The following STXBP5L variants were observed in gnomAD, a reference collection of about 807,000 sequenced individuals.
STXBP5L encodes syntaxin binding protein 5L.
Under a neutral mutation model 144.5 loss-of-function variants are expected in STXBP5L, and 65 were observed. The observed-to-expected ratio is 0.45, with a 90% CI of 0.37 to 0.55. The LOEUF is 0.55. Among genes scored for constraint, STXBP5L ranks in the 20% least tolerant of loss-of-function variants. The probability of loss-of-function intolerance (pLI) is 0.00; values close to 1 mark genes in which losing one functional copy is unlikely to be tolerated. For missense variants in STXBP5L, 1,298 were observed against 1,405.5 expected, an observed-to-expected ratio of 0.92 and a Z score of 1.22; for synonymous variants, 505 against 469.6, an observed-to-expected ratio of 1.08 and a Z score of -0.97.
At chr3:121,184,462 T>G (rs1053773451) in intron 9 of STXBP5L, among the ~76,000 whole-genome samples, 1 of 151,110 alleles carries the variant, frequency 6.6e-6, no homozygotes, top group African/African-American at 2.4e-5. Flanking sequence ...AGACAGGATA[T>G]CAGAGATTGA....
intron 7 of STXBP5L, among the ~76,000 whole-genome samples, chr3:121,135,539 G>A (rs1182428404): frequency 6.6e-6 from 1 of 152,140 alleles, no homozygotes; most frequent in Non-Finnish European, 1.5e-5. Flanking sequence ...AGATCATCAG[G>A]AATTAGATAC....
chr3:121,171,810 C>G (rs2046730202), intron 9 of STXBP5L, among the ~76,000 whole-genome samples: 1 of 152,160 alleles, frequency 6.6e-6, no homozygotes, highest in South Asian at 2.1e-4. Flanking sequence ...CTATCCCCAT[C>G]AAGCTACCAT....
At chr3:121,139,893 A>G (rs2045422507) in intron 7 of STXBP5L, among the ~76,000 whole-genome samples, 1 of 152,076 alleles carries the variant, frequency 6.6e-6, no homozygotes, top group Admixed American at 6.6e-5. Flanking sequence ...CACCTACAGA[A>G]TGAGAGAAAA....
At chr3:121,036,862 C>T (rs894007703) in intron 3 of STXBP5L, among the ~76,000 whole-genome samples, 1 of 134,124 alleles carries the variant, frequency 7.5e-6, no homozygotes, top group African/African-American at 2.9e-5. Context: ...TTTAAATGTT[C>T]AACCAACATT....
intron 15 of STXBP5L, 36 bp downstream of exon 15, chr3:121,250,799 G>T: frequency 6.4e-7 from 1 of 1,574,576 alleles, no homozygotes; most frequent in South Asian, 1.2e-5. Context: ...GAAACCAATT[G>T]GTTAATATTT....
intron 19 of STXBP5L, among the ~76,000 whole-genome samples, chr3:121,305,322 A>G (rs1315443231): frequency 2.0e-5 from 3 of 152,192 alleles, no homozygotes; most frequent in Admixed American, 6.5e-5. Flanking sequence ...GTCTGAAACC[A>G]GCACAATGTT....
At chr3:121,393,974 C>A (rs1332685020) in intron 22 of STXBP5L, among the ~76,000 whole-genome samples, 1 of 152,092 alleles carries the variant, frequency 6.6e-6, no homozygotes, top group Non-Finnish European at 1.5e-5. Flanking sequence ...ATGCTGTTGG[C>A]AAATTGATAG....
chr3:121,219,449 G>T (rs770584384), intron 10 of STXBP5L, among the ~76,000 whole-genome samples: 6 of 151,946 alleles, frequency 3.9e-5, no homozygotes, highest in Non-Finnish European at 5.9e-5. Flanking sequence ...TTTTCTTCTC[G>T]GTTTTATGTC....
chr3:121,111,146 A>T (rs1055467727), intron 5 of STXBP5L, among the ~76,000 whole-genome samples: 1 of 152,106 alleles, frequency 6.6e-6, no homozygotes, highest in Admixed American at 6.6e-5. Context: ...GTAATGTTTT[A>T]TCATGGTTAT....
chr3:120,968,792 A>G (rs991258786), intron 3 of STXBP5L, among the ~76,000 whole-genome samples: 1 of 151,730 alleles, frequency 6.6e-6, no homozygotes, highest in Admixed American at 6.6e-5. Flanking sequence ...CACTTAAAAC[A>G]TATGATATTT....
chr3:120,974,780 C>T (rs1169546286), intron 3 of STXBP5L, among the ~76,000 whole-genome samples: 1 of 152,080 alleles, frequency 6.6e-6, no homozygotes, highest in Non-Finnish European at 1.5e-5. Flanking sequence ...GTTTTCCCAG[C>T]ACCATTTATT....
intron 11 of STXBP5L, among the ~76,000 whole-genome samples, chr3:121,225,604 C>T (rs184651987): frequency 7.1e-4 from 108 of 152,124 alleles, no homozygotes; most frequent in African/African-American, 2.6e-3. Flanking sequence ...GTGTTGGCTA[C>T]CCTGACCACC....
intron 11 of STXBP5L, among the ~76,000 whole-genome samples, chr3:121,223,987 TAAA>T (rs1455875494): frequency 6.6e-6 from 1 of 151,862 alleles, no homozygotes; most frequent in Non-Finnish European, 1.5e-5. Flanking sequence ...AGTGAAAACA[TAAA>T]AAAGGAAATA....
chr3:120,924,793 T>G (rs994247393), intron 2 of STXBP5L: 3 of 151,330 alleles, frequency 2.0e-5, no homozygotes, highest in African/African-American at 7.3e-5. Flanking sequence ...CACTGCAAGC[T>G]CCGCCTCCCG....
intron 2 of STXBP5L, among the ~76,000 whole-genome samples, chr3:120,953,135 T>G (rs1279944569): frequency 6.6e-6 from 1 of 151,934 alleles, no homozygotes; most frequent in African/African-American, 2.4e-5. Context: ...TTGTCAGGCA[T>G]TGTTCTAACA....
intron 14 of STXBP5L, among the ~76,000 whole-genome samples, chr3:121,245,713 AAAAG>A (rs2049827398): frequency 6.6e-6 from 1 of 152,202 alleles, no homozygotes; most frequent in Non-Finnish European, 1.5e-5. Flanking sequence ...ACCTAATAAT[AAAAG>A]AGTCAATCCA....
intron 3 of STXBP5L, among the ~76,000 whole-genome samples, chr3:121,031,980 A>C (rs760422177): frequency 1.3e-5 from 2 of 152,256 alleles, no homozygotes; most frequent in African/African-American, 4.8e-5. Flanking sequence ...AAAGATAACC[A>C]GTTTGTTACG....
chr3:121,199,467 T>A (rs955440105), intron 9 of STXBP5L, among the ~76,000 whole-genome samples: 1 of 152,068 alleles, frequency 6.6e-6, no homozygotes, highest in African/African-American at 2.4e-5. Context: ...ACTGAATACC[T>A]TTCATTTCTT....
chr3:121,033,499 C>A, intron 3 of STXBP5L, among the ~76,000 whole-genome samples: 1 of 138,654 alleles, frequency 7.2e-6, no homozygotes, highest in African/African-American at 2.7e-5. Context: ...TGCAGTGCAC[C>A]AGCATGGCAC....
Sources: gnomAD v4.1 joint callset for allele counts (sites outside exome capture counted in the v4.1 genomes callset) on GRCh38, gnomAD v4.1.1 for gene constraint, MANE v1.5 for transcripts, NCBI Gene and HGNC (gene_info 2026-07-23, HGNC 2026-07-21) for gene names.